LPP: variants seen among roughly 807,000 people sequenced by gnomAD.
LPP encodes the protein LIM domain containing preferred translocation partner in lipoma.
LPP carries 38 observed loss-of-function variants against 60.4 expected under a neutral mutation model. The observed-to-expected ratio is 0.63, with a 90% CI of 0.49 to 0.83. The LOEUF is 0.83. LPP is among the 40% of genes least tolerant of loss of function. The pLI is 0.00. For synonymous variants in LPP, 328 were observed against 290.8 expected (o/e 1.13, Z -1.30); for missense variants, 902 against 783.6 (o/e 1.15, Z -1.80).
chr3:188,382,736 T>G (rs548699834), intron 3 of LPP, among the ~76,000 whole-genome samples: 44 of 152,344 alleles, frequency 2.9e-4, no homozygotes, highest in African/African-American at 1.0e-3. Flanking sequence ...ACTTTTTTGT[T>G]GTTGTTGTTG....
chr3:188,829,584 C>G (rs149549974), intron 9 of LPP, among the ~76,000 whole-genome samples: 1 of 152,230 alleles, frequency 6.6e-6, no homozygotes, highest in Non-Finnish European at 1.5e-5. Flanking sequence ...TCAGATATTA[C>G]CAGTTGCATG....
At chr3:188,552,227 C>T (rs1579891629) in intron 6 of LPP, among the ~76,000 whole-genome samples, 1 of 152,278 alleles carries the variant, frequency 6.6e-6, no homozygotes, top group Admixed American at 6.5e-5. Flanking sequence ...GTGATTTCTA[C>T]AGTAGCTCTA....
intron 3 of LPP, among the ~76,000 whole-genome samples, chr3:188,384,157 T>C (rs913129766): frequency 9.2e-5 from 14 of 152,352 alleles, no homozygotes; most frequent in Middle Eastern, 3.4e-3. Flanking sequence ...GAAGTTTATG[T>C]ATTGTTTTAT....
At chr3:188,483,803 A>T (rs1409786251) in intron 4 of LPP, among the ~76,000 whole-genome samples, 1 of 152,104 alleles carries the variant, frequency 6.6e-6, no homozygotes, top group South Asian at 2.1e-4. Context: ...ATTTCTCCTA[A>T]TCTGTCCTGC....
intron 7 of LPP, among the ~76,000 whole-genome samples, chr3:188,640,425 GA>G (rs912092557): frequency 6.8e-6 from 1 of 146,550 alleles, no homozygotes; most frequent in African/African-American, 2.5e-5. Context: ...GCTAGATGAC[GA>G]GTTAGTGGGT....
At chr3:188,702,932 G>A (rs1455471106) in intron 7 of LPP, among the ~76,000 whole-genome samples, 1 of 152,164 alleles carries the variant, frequency 6.6e-6, no homozygotes, top group Non-Finnish European at 1.5e-5. Flanking sequence ...CAGTGAAGAA[G>A]TATGCCCAAC....
chr3:188,161,420 A>G (rs1718244423), intron 1 of LPP, among the ~76,000 whole-genome samples: 1 of 152,182 alleles, frequency 6.6e-6, no homozygotes, highest in Admixed American at 6.5e-5. Flanking sequence ...TTGTCCTTCT[A>G]ATTGTTTGAC....
At chr3:188,703,204 C>T (rs898461638) in intron 7 of LPP, among the ~76,000 whole-genome samples, 2 of 152,158 alleles carry the variant, frequency 1.3e-5, no homozygotes, top group South Asian at 4.1e-4. Context: ...AAACGAGAAA[C>T]AAAAATAACA....
intron 5 of LPP, among the ~76,000 whole-genome samples, chr3:188,513,378 G>A (rs1271512233): frequency 3.3e-5 from 5 of 152,062 alleles, no homozygotes; most frequent in African/African-American, 1.2e-4. Context: ...AGGAGATGGG[G>A]GATAAAGCAG....
chr3:188,621,126 AG>A (rs1845724950), intron 7 of LPP, among the ~76,000 whole-genome samples: 1 of 147,614 alleles, frequency 6.8e-6, no homozygotes, highest in African/African-American at 2.5e-5. Flanking sequence ...TTTTGAAAAA[AG>A]CAATTTTATT....
At chr3:188,381,164 A>G (rs1027587101) in intron 3 of LPP, among the ~76,000 whole-genome samples, 1 of 150,478 alleles carries the variant, frequency 6.6e-6, no homozygotes, top group African/African-American at 2.4e-5. Flanking sequence ...TTAAAGACAC[A>G]TAGCTGTTAA....
intron 6 of LPP, among the ~76,000 whole-genome samples, chr3:188,605,756 T>C (rs1842267202): frequency 6.6e-6 from 1 of 152,170 alleles, no homozygotes; most frequent in Admixed American, 6.6e-5. Flanking sequence ...AAGCATTTTA[T>C]TTTTCGTAAG....
chr3:188,567,892 G>T (rs1832574523), intron 6 of LPP, among the ~76,000 whole-genome samples: 1 of 151,956 alleles, frequency 6.6e-6, no homozygotes, highest in South Asian at 2.1e-4. Flanking sequence ...GTGATTTGTT[G>T]CTGGCAGAGT....
chr3:188,369,428 C>T (rs2151041727), intron 3 of LPP, among the ~76,000 whole-genome samples: 1 of 152,130 alleles, frequency 6.6e-6, no homozygotes, highest in African/African-American at 2.4e-5. Flanking sequence ...CTGGGGAAAT[C>T]AAACAATCGT....
chr3:188,587,061 T>TACTGAAGACTGGAGCCCAAGAA (rs370615813), intron 6 of LPP, among the ~76,000 whole-genome samples: 3 of 27,978 alleles, frequency 1.1e-4, no homozygotes, highest in African/African-American at 1.6e-4. Flanking sequence ...GTTGGCGCTC[T>TACTGAAGACTGGAGCCCAAGAA]GGCCGGGCGC....
Position 188,661,027 on chromosome 3 carries a change from C to T in LPP, c.1114-47240C>T, listed in dbSNP as rs370666079. ...ACTTTCTCCCCCAACCCCGGTAACC[C>T]CTGAAATTTTTACTGGCTTCATAGT... On this transcript the variant is annotated intron_variant, in intron 7 of 11. Coordinates refer to ENST00000617246, the MANE Select transcript of LPP (RefSeq NM_001375462.1). Among the ~76,000 whole-genome samples, 7 of 152,202 alleles carry T rather than the reference C, an allele frequency of 4.6e-5. No homozygotes were observed. In the East Asian group the frequency reaches 9.6e-4, roughly 21 times the overall value.
At chr3:188,573,728 A>G (rs1341661573) in intron 6 of LPP, among the ~76,000 whole-genome samples, 1 of 134,724 alleles carries the variant, frequency 7.4e-6, no homozygotes, top group East Asian at 1.9e-4. Context: ...GTGAACACAA[A>G]CTGTGTTCTT....
chr3:188,266,191 C>T (rs1735466055), intron 2 of LPP, among the ~76,000 whole-genome samples: 1 of 152,056 alleles, frequency 6.6e-6, no homozygotes, highest in Admixed American at 6.6e-5. Flanking sequence ...GCAGCAGCAG[C>T]AGCACTCCCC....
At chr3:188,702,627 T>G (rs1864710508) in intron 7 of LPP, among the ~76,000 whole-genome samples, 1 of 152,222 alleles carries the variant, frequency 6.6e-6, no homozygotes, top group South Asian at 2.1e-4. Flanking sequence ...CTCTAAAATC[T>G]GTCGCTCAGT....
Sources: gnomAD v4.1 joint callset for allele counts (sites outside exome capture counted in the v4.1 genomes callset) on GRCh38, gnomAD v4.1.1 for gene constraint, MANE v1.5 for transcripts, NCBI Gene and HGNC (gene_info 2026-07-23, HGNC 2026-07-21) for gene names.